Variants in ANO4 observed in about 807,000 individuals in gnomAD.
ANO4 encodes anoctamin 4, also known as anoctamin-4.
ANO4 carries 69 observed loss-of-function variants against 141.9 expected under a neutral mutation model. That is an observed-to-expected ratio of 0.49 (90% CI 0.40 to 0.59). The LOEUF (loss-of-function observed/expected upper bound fraction) is 0.59, where lower values mean the gene tolerates loss of function less well. Among genes scored for constraint, ANO4 ranks in the 20% least tolerant of loss-of-function variants. The pLI is 0.00. For missense variants in ANO4, 894 were observed against 1,162.2 expected (o/e 0.77, Z 3.36); for synonymous variants, 350 against 394.3 (o/e 0.89, Z 1.33).
At chr12:100,979,011 G>A (rs761134762) in intron 7 of ANO4, among the ~76,000 whole-genome samples, 37 of 152,140 alleles carry the variant, frequency 2.4e-4, no homozygotes, top group Admixed American at 8.5e-4. Flanking sequence ...GAATATCCCA[G>A]GAGGAGATGT....
At chr12:100,945,595 C>A (rs2042687981) in intron 5 of ANO4, among the ~76,000 whole-genome samples, 1 of 152,070 alleles carries the variant, frequency 6.6e-6, no homozygotes, top group African/African-American at 2.4e-5. Context: ...CATTATTGAT[C>A]TTTGGATACC....
chr12:101,008,121 A>G (rs563154113), intron 8 of ANO4, among the ~76,000 whole-genome samples: 2 of 152,242 alleles, frequency 1.3e-5, no homozygotes, highest in East Asian at 3.9e-4. Flanking sequence ...AAATAATTCA[A>G]TTTTTTAAAA....
intron 1 of ANO4, among the ~76,000 whole-genome samples, chr12:100,800,733 G>A (rs560410762): frequency 3.9e-5 from 6 of 152,122 alleles, no homozygotes; most frequent in Non-Finnish European, 5.9e-5. Flanking sequence ...AGTGTCCATG[G>A]AACAAATCAC....
chr12:100,920,116 T>C (rs1401975607), intron 2 of ANO4, among the ~76,000 whole-genome samples: 1 of 152,112 alleles, frequency 6.6e-6, no homozygotes, highest in Non-Finnish European at 1.5e-5. Context: ...GTTTTTTAGC[T>C]TATGTAATGT....
intron 5 of ANO4, among the ~76,000 whole-genome samples, chr12:100,964,540 A>G (rs2043568125): frequency 6.6e-6 from 1 of 152,106 alleles, no homozygotes; most frequent in African/African-American, 2.4e-5. Context: ...CCAGAATTTT[A>G]GAGTTTTGCT....
chr12:100,972,335 C>T (rs1396783081), intron 6 of ANO4, among the ~76,000 whole-genome samples: 1 of 152,148 alleles, frequency 6.6e-6, no homozygotes, highest in Admixed American at 6.5e-5. Context: ...GTTAGGGACT[C>T]ATTTAGAGAA....
intron 3 of ANO4, among the ~76,000 whole-genome samples, chr12:100,774,123 C>G (rs1202552556): frequency 6.6e-6 from 1 of 152,096 alleles, no homozygotes; most frequent in Non-Finnish European, 1.5e-5. Flanking sequence ...AATTTGCCAA[C>G]TCCTGTTCTA....
At chr12:100,751,401 A>G (rs2032369559) in intron 3 of ANO4, among the ~76,000 whole-genome samples, 1 of 152,128 alleles carries the variant, frequency 6.6e-6, no homozygotes. Flanking sequence ...GAGTATCTGG[A>G]TTCTGGTTCA....
chr12:100,819,031 G>C (rs28457020), intron 1 of ANO4, among the ~76,000 whole-genome samples: 3 of 118,254 alleles, frequency 2.5e-5, no homozygotes, highest in Non-Finnish European at 5.5e-5. Flanking sequence ...ATATATGTAT[G>C]TGTGTATATA....
intron 1 of ANO4, among the ~76,000 whole-genome samples, chr12:100,884,172 A>G (rs1309385851): frequency 3.9e-5 from 6 of 152,254 alleles, no homozygotes; most frequent in Non-Finnish European, 7.3e-5. Flanking sequence ...CCAACTGTCT[A>G]TAGAGGCACA....
chr12:100,795,410 C>T (rs190591022), intron 1 of ANO4, among the ~76,000 whole-genome samples: 20 of 152,206 alleles, frequency 1.3e-4, no homozygotes, highest in Middle Eastern at 3.4e-3. Flanking sequence ...TCAGAAGGGC[C>T]GGGGGTGACC....
At chr12:100,743,332 T>C (rs2031958954) in intron 3 of ANO4, among the ~76,000 whole-genome samples, 1 of 151,538 alleles carries the variant, frequency 6.6e-6, no homozygotes, top group Non-Finnish European at 1.5e-5. Context: ...TATTAAATTA[T>C]TTCTTCAATT....
chr12:100,929,829 C>T (rs772265937), intron 3 of ANO4, among the ~76,000 whole-genome samples: 21 of 152,210 alleles, frequency 1.4e-4, no homozygotes, highest in Admixed American at 3.3e-4. Context: ...GCCCTGATTT[C>T]CAACTTTATT....
At chr12:100,949,645 T>G (rs185638240) in intron 5 of ANO4, among the ~76,000 whole-genome samples, 1 of 152,344 alleles carries the variant, frequency 6.6e-6, no homozygotes, top group East Asian at 1.9e-4. Flanking sequence ...TACAAATTCT[T>G]TATAACGCAA....
At chr12:101,012,835 G>A (rs887863487) in intron 8 of ANO4, among the ~76,000 whole-genome samples, 5 of 152,162 alleles carry the variant, frequency 3.3e-5, no homozygotes, top group African/African-American at 1.2e-4. Context: ...TCAGATTCAG[G>A]ATAATATTTG....
Position 101,120,613 on chromosome 12 carries a change from C to T in ANO4, c.2664C>T (p.Ile888=), listed in dbSNP as rs1443253314. 20 of 1,613,722 alleles carry T rather than the reference C, an allele frequency of 1.2e-5. No individual in the cohort carries two copies. Among genetic ancestry groups the T allele is most frequent in the Non-Finnish European group, 1.7e-5 (20 of 1,179,826 alleles). ...TCCTAGCTGCTCGATTAGCTTTTAT[C>T]ATTGTCTTTGAGGTAAGTTTCCTCA... is the stretch of plus-strand genomic sequence containing the variant. The part of the protein sequence containing the change: ...WHVLAARLAF[I]IVFEHLVFCI... The change falls in exon 26 of 28, where the codon ATC becomes ATT. Residue 888 remains isoleucine (I), a synonymous_variant. Transcript: ENST00000392977.
chr12:101,104,693 C>T (rs1398977456), intron 22 of ANO4, among the ~76,000 whole-genome samples: 1 of 133,458 alleles, frequency 7.5e-6, no homozygotes, highest in African/African-American at 2.7e-5. Flanking sequence ...TTACCTTATG[C>T]TCCTTTATAC....
intron 1 of ANO4, among the ~76,000 whole-genome samples, chr12:100,864,027 T>C (rs1007392007): frequency 6.6e-6 from 1 of 152,176 alleles, no homozygotes; most frequent in Non-Finnish European, 1.5e-5. Context: ...TTCCATCTGT[T>C]TTCCTCTGGG....
chr12:100,737,852 C>T (rs2031680555), intron 2 of ANO4, among the ~76,000 whole-genome samples: 2 of 152,068 alleles, frequency 1.3e-5, no homozygotes, highest in African/African-American at 4.8e-5. Context: ...TCATCTCACA[C>T]AGAAGTGTCA....
Sources: allele counts gnomAD v4.1 joint callset (sites outside exome capture counted in the v4.1 genomes callset), GRCh38; gene constraint gnomAD v4.1.1; transcripts MANE v1.5; gene names NCBI Gene and HGNC (gene_info 2026-07-23, HGNC 2026-07-21).